Variants in IFT56 observed in about 807,000 individuals in gnomAD.
The protein encoded by IFT56 is intraflagellar transport protein 56.
the IFT56 span, among the ~76,000 whole-genome samples, chr7:139,176,433 C>T: frequency 6.6e-6 from 1 of 152,048 alleles, no homozygotes; most frequent in South Asian, 2.1e-4. Context: ...ATAATGATTT[C>T]TTGCATGGAT....
At chr7:139,191,159 T>C in the IFT56 span, 1 of 152,248 alleles carries the variant, frequency 6.6e-6, no homozygotes, top group African/African-American at 2.4e-5. Context: ...TAGACCCATA[T>C]ATAATCAGTT....
the IFT56 span, among the ~76,000 whole-genome samples, chr7:139,134,502 C>A: frequency 6.6e-6 from 1 of 152,096 alleles, no homozygotes; most frequent in African/African-American, 2.4e-5. Flanking sequence ...AACTCCTGAC[C>A]TCGTGATCCG....
the IFT56 span, among the ~76,000 whole-genome samples, chr7:139,159,685 C>CA: frequency 6.6e-6 from 1 of 151,804 alleles, no homozygotes; most frequent in Non-Finnish European, 1.5e-5. Context: ...AAGAGATTTG[C>CA]AAAAAATGTA....
chr7:139,180,210 G>A, the IFT56 span, among the ~76,000 whole-genome samples: 5 of 152,184 alleles, frequency 3.3e-5, no homozygotes, highest in Admixed American at 6.5e-5. Context: ...GGTGGTGGGC[G>A]CCTGTAGTCC....
At chr7:139,184,294 G>A in the IFT56 span, among the ~76,000 whole-genome samples, 4 of 152,116 alleles carry the variant, frequency 2.6e-5, no homozygotes, top group African/African-American at 4.8e-5. Context: ...TGTGTGTGGC[G>A]TCATCAGTTT....
chr7:139,190,229 T>C, the IFT56 span: 1 of 86,750 alleles, frequency 1.2e-5, no homozygotes, highest in Non-Finnish European at 2.0e-5. Flanking sequence ...TCAGTTTTTG[T>C]TGTTGTTGTT....
chr7:139,146,471 A>T, the IFT56 span, among the ~76,000 whole-genome samples: 1 of 152,326 alleles, frequency 6.6e-6, no homozygotes, highest in East Asian at 1.9e-4. Flanking sequence ...AGAACGAGAT[A>T]TGAAAGAACA....
the IFT56 span, among the ~76,000 whole-genome samples, chr7:139,161,905 G>A: frequency 2.0e-5 from 3 of 152,148 alleles, no homozygotes; most frequent in Middle Eastern, 3.4e-3. Context: ...ATTGAAACCC[G>A]ATTAATTTTT....
At chr7:139,185,815 A>C in the IFT56 span, among the ~76,000 whole-genome samples, 1 of 152,018 alleles carries the variant, frequency 6.6e-6, no homozygotes, top group Admixed American at 6.5e-5. Context: ...TTCACAATAA[A>C]GACTTTTTTT....
chr7:139,140,077 G>T, the IFT56 span: 10 of 1,007,184 alleles, frequency 9.9e-6, no homozygotes, highest in South Asian at 5.3e-5. Flanking sequence ...AAACTTAATT[G>T]TATTCCTTTT....
the IFT56 span, among the ~76,000 whole-genome samples, chr7:139,140,192 A>G: frequency 6.6e-6 from 1 of 152,214 alleles, no homozygotes; most frequent in Non-Finnish European, 1.5e-5. Context: ...AGTTAGTGCT[A>G]CACCCCACCA....
the IFT56 span, among the ~76,000 whole-genome samples, chr7:139,136,744 A>T: frequency 1.3e-5 from 2 of 152,174 alleles, no homozygotes; most frequent in African/African-American, 4.8e-5. Flanking sequence ...TGCTGGGATT[A>T]CAGGGCCAGA....
At chr7:139,139,749 A>T in the IFT56 span, 5 of 559,320 alleles carry the variant, frequency 8.9e-6, no homozygotes, top group Non-Finnish European at 1.6e-5. Flanking sequence ...ACCTTTTCAG[A>T]ATAGAGTAAT....
At chr7:139,139,652 A>G in the IFT56 span, among the ~76,000 whole-genome samples, 5 of 152,204 alleles carry the variant, frequency 3.3e-5, no homozygotes, top group East Asian at 1.9e-4. Flanking sequence ...CCCTATCAGT[A>G]TTAACTGGGG....
At chr7:139,187,084 G>C in the IFT56 span, among the ~76,000 whole-genome samples, 17 of 127,582 alleles carry the variant, frequency 1.3e-4, no homozygotes, top group African/African-American at 4.5e-4. Context: ...CTGGGCGACA[G>C]AGCGAGACTC....
the IFT56 span, among the ~76,000 whole-genome samples, chr7:139,139,189 T>G: frequency 1.3e-5 from 2 of 152,146 alleles, no homozygotes; most frequent in African/African-American, 4.8e-5. Flanking sequence ...ATGAAAATAT[T>G]CAAGGACAGT....
chr7:139,164,578 G>A, the IFT56 span, among the ~76,000 whole-genome samples: 5 of 152,002 alleles, frequency 3.3e-5, no homozygotes, highest in African/African-American at 7.2e-5. Flanking sequence ...TTTAGATCAC[G>A]GCTTTCTTTC....
chr7:139,184,339 G>T, the IFT56 span, among the ~76,000 whole-genome samples: 1 of 152,300 alleles, frequency 6.6e-6, no homozygotes, highest in East Asian at 1.9e-4. Flanking sequence ...GGGAGTCCCT[G>T]TTGCATTTGC....
chr7:139,169,532 T>C, the IFT56 span, among the ~76,000 whole-genome samples: 1 of 152,336 alleles, frequency 6.6e-6, no homozygotes, highest in South Asian at 2.1e-4. Context: ...GAAAGTGGGA[T>C]AAGAGAATAA....
Sources: gnomAD v4.1 joint callset for allele counts (sites outside exome capture counted in the v4.1 genomes callset) on GRCh38, gnomAD v4.1.1 for gene constraint, MANE v1.5 for transcripts, NCBI Gene and HGNC (gene_info 2026-07-23, HGNC 2026-07-21) for gene names.